Variants in CDH13 observed in about 807,000 individuals in gnomAD.
CDH13 encodes cadherin 13, also known as cadherin-13.
A neutral mutation model predicts 63.8 loss-of-function variants in CDH13; 24 were observed. The ratio of observed to expected loss-of-function variants is 0.38; its 90% confidence interval spans 0.27 to 0.53. The LOEUF (loss-of-function observed/expected upper bound fraction) is 0.53, where lower values mean the gene tolerates loss of function less well. Among genes scored for constraint, CDH13 ranks in the 20% least tolerant of loss-of-function variants. The pLI is 0.85. For synonymous variants in CDH13, 503 were observed against 355.3 expected (o/e 1.42, Z -4.67); for missense variants, 1,049 against 903.1 (o/e 1.16, Z -2.07).
chr16:83,460,592 A>T (rs758648816), intron 6 of CDH13, among the ~76,000 whole-genome samples: 1 of 152,216 alleles, frequency 6.6e-6, no homozygotes, highest in Non-Finnish European at 1.5e-5. Context: ...AGAAAAATAC[A>T]AACAGATGAT....
intron 1 of CDH13, among the ~76,000 whole-genome samples, chr16:82,836,550 G>C (rs2038776069): frequency 6.6e-6 from 1 of 152,130 alleles, no homozygotes; most frequent in Non-Finnish European, 1.5e-5. Flanking sequence ...GAGGAATACT[G>C]ATGAGAAAGG....
intron 13 of CDH13, among the ~76,000 whole-genome samples, chr16:83,793,113 T>G (rs1916381251): frequency 6.6e-6 from 1 of 152,136 alleles, no homozygotes; most frequent in South Asian, 2.1e-4. Context: ...TTCCTTCTTT[T>G]GATGGAGCAA....
chr16:83,711,960 G>C (rs938828548), intron 10 of CDH13, among the ~76,000 whole-genome samples: 3 of 152,182 alleles, frequency 2.0e-5, no homozygotes, highest in African/African-American at 7.2e-5. Context: ...TCAAGGTGTT[G>C]GCAGAGTTGG....
At chr16:83,024,790 G>A (rs563820264) in intron 2 of CDH13, among the ~76,000 whole-genome samples, 5 of 152,310 alleles carry the variant, frequency 3.3e-5, no homozygotes, top group African/African-American at 1.2e-4. Flanking sequence ...ACAAAACTTT[G>A]TTGATTCTAT....
intron 10 of CDH13, among the ~76,000 whole-genome samples, chr16:83,707,064 C>G (rs935056926): frequency 6.6e-6 from 1 of 152,178 alleles, no homozygotes; most frequent in Non-Finnish European, 1.5e-5. Flanking sequence ...AACAGCACAT[C>G]TACTCTGGAC....
At chr16:82,684,074 A>G (rs983359256) in intron 1 of CDH13, among the ~76,000 whole-genome samples, 4 of 152,196 alleles carry the variant, frequency 2.6e-5, no homozygotes, top group Non-Finnish European at 5.9e-5. Context: ...ATCAAGGAAG[A>G]ATTCGTGAAT....
At chr16:83,537,823 T>C (rs1273603909) in intron 7 of CDH13, among the ~76,000 whole-genome samples, 2 of 152,230 alleles carry the variant, frequency 1.3e-5, no homozygotes. Context: ...CAGGCCATTA[T>C]ACCAATCTTC....
At position 83,656,671 on chromosome 16, in the gene CDH13, T is replaced by C. The variant is rs149594515; in HGVS notation, c.1102-14119T>C. On this transcript the variant is annotated intron_variant, in intron 8 of 13. Coordinates refer to ENST00000567109, the MANE Select transcript of CDH13 (RefSeq NM_001257.5). ...AATCTTGATCAAGGCTCCTGAGCCA[T>C]TTCCTGTGGGAAAGTAGACATCTTT... Among the ~76,000 whole-genome samples, 1,005 of 152,320 alleles carry C rather than the reference T, an allele frequency of 6.6e-3. 18 individuals carry two copies. Among genetic ancestry groups the C allele is most frequent in the African/African-American group, 0.023 (951 of 41,570 alleles).
intron 1 of CDH13, among the ~76,000 whole-genome samples, chr16:82,846,000 G>A (rs894553405): frequency 1.3e-5 from 2 of 152,194 alleles, no homozygotes; most frequent in African/African-American, 4.8e-5. Flanking sequence ...TGAGTGAATT[G>A]TTCTTGGCTC....
chr16:83,562,233 G>A (rs1050727651), intron 7 of CDH13, among the ~76,000 whole-genome samples: 14 of 152,272 alleles, frequency 9.2e-5, no homozygotes, highest in African/African-American at 2.9e-4. Flanking sequence ...CCTGGATAGG[G>A]CAATCAAATT....
At chr16:83,597,431 GTA>G (rs781289162) in intron 7 of CDH13, among the ~76,000 whole-genome samples, 5 of 152,138 alleles carry the variant, frequency 3.3e-5, no homozygotes, top group African/African-American at 4.8e-5. Context: ...AAATGTGTGT[GTA>G]TATAAATGTG....
At chr16:83,618,146 C>A (rs543616248) in intron 8 of CDH13, among the ~76,000 whole-genome samples, 9,758 of 152,124 alleles carry the variant, frequency 0.064, 826 homozygotes, top group African/African-American at 0.19. Flanking sequence ...CACTTGCGGC[C>A]AGGCATGGTG....
intron 2 of CDH13, among the ~76,000 whole-genome samples, chr16:82,921,660 C>T (rs2216735): frequency 0.38 from 57,708 of 151,776 alleles, 12,009 homozygotes; most frequent in Non-Finnish European, 0.47. Context: ...AATATGTTGT[C>T]GAGGATTTTG....
chr16:82,791,936 C>T (rs568716591), intron 1 of CDH13, among the ~76,000 whole-genome samples: 66 of 152,224 alleles, frequency 4.3e-4, no homozygotes, highest in African/African-American at 1.3e-3. Context: ...GGGAGCGGCC[C>T]GCCCCATCTT....
chr16:82,743,754 C>T (rs1410139052), intron 1 of CDH13, among the ~76,000 whole-genome samples: 1 of 152,036 alleles, frequency 6.6e-6, no homozygotes, highest in Non-Finnish European at 1.5e-5. Flanking sequence ...ACATTCCTGT[C>T]CAGAGATAGT....
chr16:82,763,350 T>C (rs2151086838), intron 1 of CDH13, among the ~76,000 whole-genome samples: 1 of 152,340 alleles, frequency 6.6e-6, no homozygotes, highest in Non-Finnish European at 1.5e-5. Flanking sequence ...AAGTTGCTTA[T>C]TTTCCACCTC....
At chr16:83,099,193 T>C (rs1217788209) in intron 3 of CDH13, among the ~76,000 whole-genome samples, 1 of 152,204 alleles carries the variant, frequency 6.6e-6, no homozygotes, top group East Asian at 1.9e-4. Context: ...AATATATATT[T>C]GAACAGTATC....
chr16:83,194,104 G>A (rs1435037043), intron 4 of CDH13, among the ~76,000 whole-genome samples: 3 of 152,192 alleles, frequency 2.0e-5, no homozygotes, highest in Non-Finnish European at 2.9e-5. Context: ...AGGACAGCTC[G>A]TTCCAACCTT....
intron 7 of CDH13, among the ~76,000 whole-genome samples, chr16:83,601,520 A>G (rs1427776510): frequency 6.6e-6 from 1 of 152,204 alleles, no homozygotes; most frequent in African/African-American, 2.4e-5. Flanking sequence ...TGCGACAAAA[A>G]AGACATGAAA....
Sources: gnomAD v4.1 joint callset for allele counts (sites outside exome capture counted in the v4.1 genomes callset) on GRCh38, gnomAD v4.1.1 for gene constraint, MANE v1.5 for transcripts, NCBI Gene and HGNC (gene_info 2026-07-23, HGNC 2026-07-21) for gene names.